The following DHX30 variants were observed in gnomAD, a reference collection of about 807,000 sequenced individuals.
The protein encoded by DHX30 is ATP-dependent RNA helicase DHX30.
In DHX30, 4 loss-of-function variants were observed where a neutral mutation model predicts 116.9. That is an observed-to-expected ratio of 0.03 (90% CI 0.02 to 0.08). DHX30 has a LOEUF of 0.08. Among genes scored for constraint, DHX30 ranks in the 10% least tolerant of loss-of-function variants. The probability of loss-of-function intolerance (pLI) is 1.00; values close to 1 mark genes in which losing one functional copy is unlikely to be tolerated. For missense variants in DHX30, 871 were observed against 1,595.1 expected, an observed-to-expected ratio of 0.55 and a Z score of 7.73; for synonymous variants, 697 against 651.7, an observed-to-expected ratio of 1.07 and a Z score of -1.06.
intron 6 of DHX30, among the ~76,000 whole-genome samples, chr3:47,840,003 CTT>C (rs58912618): frequency 3.5e-5 from 5 of 142,652 alleles, no homozygotes; most frequent in East Asian, 2.1e-4. Context: ...CTTTTCTTTT[CTT>C]TTTTTTTTTG....
intron 4 of DHX30, chr3:47,824,931 G>A: frequency 2.0e-6 from 1 of 488,328 alleles, no homozygotes; most frequent in East Asian, 3.6e-5. Flanking sequence ...CTAGGCTTGG[G>A]CTTCGGGTCC....
intron 9 of DHX30, among the ~76,000 whole-genome samples, chr3:47,843,919 C>T (rs2037489937): frequency 6.6e-6 from 1 of 152,224 alleles, no homozygotes; most frequent in South Asian, 2.1e-4. Context: ...GAAGACTGGT[C>T]TTAAAATCTT....
At chr3:47,839,096 A>G (rs545985152) in intron 6 of DHX30, among the ~76,000 whole-genome samples, 16 of 151,960 alleles carry the variant, frequency 1.1e-4, no homozygotes, top group Admixed American at 1.1e-3. Flanking sequence ...GTCTCTCCTG[A>G]TGATGCTTAG....
At chr3:47,811,701 C>T (rs185039770) in intron 3 of DHX30, among the ~76,000 whole-genome samples, 288 of 152,154 alleles carry the variant, frequency 1.9e-3, no homozygotes, top group Non-Finnish European at 3.0e-3. Context: ...GAAGGTGAAG[C>T]GGGAGCAGGC....
At position 47,829,099 on chromosome 3, in the gene DHX30, C is replaced by T; in HGVS notation, c.331C>T (p.Arg111Trp). The T allele has an allele frequency of 6.2e-7, 1 of 1,604,228 alleles. No individual in the cohort carries two copies. Among genetic ancestry groups the T allele is most frequent in the Non-Finnish European group, 8.5e-7 (1 of 1,176,178 alleles). ...GYGSKKIDAE[R>W]QAAAAACQLF... ...TGGCAGCAAGAAGATCGATGCTGAG[C>T]GGCAGGCTGCAGCTGCAGCCTGCCA... The change falls in exon 6 of 22, where the codon CGG becomes TGG. Residue 111 changes from arginine (R) to tryptophan (W), a missense_variant. By Grantham distance (101) the Arg-to-Trp change is moderately radical. Around this residue, in one of 13 missense-constraint regions of DHX30, gnomAD observed 66 missense variants for 153.9 expected, o/e 0.43. Transcript: ENST00000445061.
rs370482236 is a variant in DHX30 at position 47,840,127 on chromosome 3, G to T, written c.367-750G>T. ...TTCTCCTGCCTCAGCCTCCCAAGTA[G>T]CTGGGACTACAGGCACTCGCCACCA... is the stretch of plus-strand genomic sequence containing the variant. On this transcript the variant is annotated intron_variant, in intron 6 of 21. Transcript: ENST00000445061. 5.3e-5 allele frequency among the ~76,000 whole-genome samples: 8 copies of T among 151,258 alleles called. No homozygotes were observed. In the East Asian group the frequency reaches 1.4e-3, roughly 26 times the overall value.
intron 4 of DHX30, among the ~76,000 whole-genome samples, chr3:47,820,887 T>C (rs2036263379): frequency 6.6e-6 from 1 of 151,328 alleles, no homozygotes; most frequent in African/African-American, 2.4e-5. Context: ...AAGAAAGGGG[T>C]GCATGCGTAA....
chr3:47,840,352 G>A lies in DHX30; in HGVS notation c.367-525G>A, dbSNP rs184843019. Among the ~76,000 whole-genome samples, 48 of 151,336 alleles carry A rather than the reference G, an allele frequency of 3.2e-4. 1 individual carries two copies. The highest frequency in any genetic ancestry group is 2.6e-3 in the Admixed American group (40 of 15,196). ...AAGCTTCCTAGATCATTATGTGAAT[G>A]TATCTTCTTGGGCTTGGTGCGGTGG... On this transcript the variant is annotated intron_variant, in intron 6 of 21. Coordinates refer to ENST00000445061, the MANE Select transcript of DHX30 (RefSeq NM_138615.3).
chr3:47,813,187 T>TA (rs2035879139), intron 3 of DHX30, among the ~76,000 whole-genome samples: 1 of 151,140 alleles, frequency 6.6e-6, no homozygotes, highest in Non-Finnish European at 1.5e-5. Flanking sequence ...AAATACAAAA[T>TA]AAAAAATTAG....
At chr3:47,827,877 C>G (rs1402492174) in intron 5 of DHX30, among the ~76,000 whole-genome samples, 3 of 152,034 alleles carry the variant, frequency 2.0e-5, no homozygotes, top group Non-Finnish European at 4.4e-5. Flanking sequence ...TTTGTAGAGA[C>G]AGAGTCAGAG....
At chr3:47,811,819 T>C (rs1298383698) in intron 3 of DHX30, among the ~76,000 whole-genome samples, 1 of 151,416 alleles carries the variant, frequency 6.6e-6, no homozygotes, top group African/African-American at 2.5e-5. Context: ...ATCCCAGCAC[T>C]TTGGGAGGCC....
rs1329553836 is a variant in DHX30, at chr3:47,843,038, C to G, written c.790-68C>G. 9.5e-6 allele frequency: 15 copies of G among 1,580,450 alleles called. No homozygotes were observed. In the East Asian group the frequency reaches 3.1e-4, roughly 33 times the overall value. ...TTCTGTCTCTGGGCTCCTTGGCATTCTGAGAATGCCCCAAGTCTCTTCCCA... is the reference window on the plus strand; with the variant it reads ...TTCTGTCTCTGGGCTCCTTGGCATTGTGAGAATGCCCCAAGTCTCTTCCCA... On this transcript the variant is annotated intron_variant, in intron 8 of 21. Coordinates refer to ENST00000445061, the MANE Select transcript of DHX30 (RefSeq NM_138615.3).
chr3:47,840,097 C>T (rs780115101), intron 6 of DHX30, among the ~76,000 whole-genome samples: 8 of 150,548 alleles, frequency 5.3e-5, no homozygotes, highest in African/African-American at 1.5e-4. Flanking sequence ...CCCAGGTTCA[C>T]GCCATTCTCC....
At position 47,829,423 on chromosome 3, in the gene DHX30, A is replaced by C. The variant is rs1254177720; in HGVS notation, c.366+289A>C. ...CAGTGATGCGATCTTGGCTCACTGC[A>C]ACCTCCACTTTCTAGGTTCAAGTGA... On this transcript the variant is annotated intron_variant, in intron 6 of 21. Transcript: ENST00000445061. Among the ~76,000 whole-genome samples, 3 of 146,610 alleles carry C rather than the reference A, an allele frequency of 2.0e-5. No individual in the cohort carries two copies. In the Admixed American group the frequency reaches 2.1e-4, roughly 10 times the overall value.
intron 2 of DHX30, among the ~76,000 whole-genome samples, chr3:47,809,172 G>C (rs558996683): frequency 2.7e-5 from 4 of 148,724 alleles, no homozygotes; most frequent in African/African-American, 7.4e-5. Context: ...TTTTAAATTA[G>C]AATGTCAAAT....
intron 6 of DHX30, among the ~76,000 whole-genome samples, chr3:47,833,926 T>G (rs1432119674): frequency 6.6e-6 from 1 of 152,148 alleles, no homozygotes; most frequent in Non-Finnish European, 1.5e-5. Context: ...TTAATTATAG[T>G]CCTTATGGTG....
intron 6 of DHX30, among the ~76,000 whole-genome samples, chr3:47,836,191 T>G (rs1033976739): frequency 1.3e-5 from 2 of 151,958 alleles, no homozygotes; most frequent in Admixed American, 1.3e-4. Flanking sequence ...AATGGCGTGA[T>G]CTTGGCTCAC....
intron 6 of DHX30, among the ~76,000 whole-genome samples, chr3:47,829,958 A>G (rs1435562560): frequency 6.6e-6 from 1 of 151,120 alleles, no homozygotes; most frequent in African/African-American, 2.4e-5. Context: ...CAGCCTCCCA[A>G]GTAGCTGGGA....
rs536180297 is a variant in DHX30 at position 47,835,590 on chromosome 3, C to G, written c.367-5287C>G. ...AAAGTTCTGGGATTACAGGTGTAAG[C>G]CACTGCGCCCGGCCAATTTTTTTGT... is the stretch of plus-strand genomic sequence containing the variant. On this transcript the variant is annotated intron_variant, in intron 6 of 21. Transcript: ENST00000445061. 1.9e-4 allele frequency among the ~76,000 whole-genome samples: 29 copies of G among 152,046 alleles called. 1 individual carries two copies. Among genetic ancestry groups the G allele is most frequent in the Non-Finnish European group, 3.2e-4 (22 of 67,984 alleles).
Sources: allele counts gnomAD v4.1 joint callset (sites outside exome capture counted in the v4.1 genomes callset), GRCh38; gene constraint gnomAD v4.1.1; regional missense constraint gnomAD v4.1.1; transcripts MANE v1.5; gene names NCBI Gene and HGNC (gene_info 2026-07-23, HGNC 2026-07-21).